The following KCND3 variants were observed in gnomAD, a reference collection of about 807,000 sequenced individuals.
KCND3 encodes the protein A-type voltage-gated potassium channel KCND3.
A neutral mutation model predicts 51.1 loss-of-function variants in KCND3; 9 were observed. The ratio of observed to expected loss-of-function variants is 0.18; its 90% confidence interval spans 0.11 to 0.31. KCND3 has a LOEUF of 0.31. Ranked by LOEUF, KCND3 falls within the 10% of genes least tolerant of loss-of-function variation. The pLI is 1.00. For missense variants in KCND3, 526 were observed against 903.8 expected, an observed-to-expected ratio of 0.58 and a Z score of 5.36; for synonymous variants, 349 against 368.0, an observed-to-expected ratio of 0.95 and a Z score of 0.59.
At position 111,771,890 on chromosome 1, in the gene KCND3, G is replaced by A. The variant is rs1056108415; in HGVS notation, c.*4187C>T. 6.6e-6 allele frequency: 1 copy of A among 152,030 alleles called. No homozygotes were observed. The highest frequency in any genetic ancestry group is 1.9e-4 in the East Asian group (1 of 5,192). The allele number at this position is 152,030 out of a possible 1,614,324, so 9.4% of individuals were successfully genotyped here. A position where few individuals can be genotyped will look rare whatever the true frequency, so the allele number is the denominator to read the frequency against. ...CTAGTTATGAAAATAGGAGATGAAG[G>A]AGAAATAGTACAGAGTTTGTTTCCA... On this transcript the variant is annotated 3_prime_UTR_variant, in exon 8 of 8. Transcript: ENST00000302127.
intron 2 of KCND3, among the ~76,000 whole-genome samples, chr1:111,977,357 C>T (rs1266199329): frequency 2.0e-5 from 3 of 152,208 alleles, no homozygotes; most frequent in East Asian, 1.9e-4. Flanking sequence ...CTCGCCTCTT[C>T]GAACCTCAGG....
At chr1:111,820,074 A>T (rs1666278475) in intron 2 of KCND3, among the ~76,000 whole-genome samples, 1 of 152,250 alleles carries the variant, frequency 6.6e-6, no homozygotes, top group Non-Finnish European at 1.5e-5. Context: ...TATGAATTAA[A>T]TGCCAACTCC....
At chr1:111,832,358 CT>C (rs1666872790) in intron 2 of KCND3, among the ~76,000 whole-genome samples, 1 of 152,156 alleles carries the variant, frequency 6.6e-6, no homozygotes, top group Non-Finnish European at 1.5e-5. Flanking sequence ...GGCAGTTCTT[CT>C]TTTGTTCTTT....
chr1:111,945,725 C>T (rs552773872), intron 2 of KCND3, among the ~76,000 whole-genome samples: 2 of 152,342 alleles, frequency 1.3e-5, no homozygotes, highest in East Asian at 1.9e-4. Flanking sequence ...TTCTGCCAAA[C>T]AAGAACCTTG....
chr1:111,776,789 A>C (rs1372636468), intron 7 of KCND3, among the ~76,000 whole-genome samples: 3 of 151,626 alleles, frequency 2.0e-5, no homozygotes, highest in African/African-American at 7.3e-5. Flanking sequence ...ATTATTTTTA[A>C]AGTTTTTTTT....
chr1:111,916,882 C>T (rs1671243018), intron 2 of KCND3, among the ~76,000 whole-genome samples: 1 of 152,194 alleles, frequency 6.6e-6, no homozygotes, highest in South Asian at 2.1e-4. Flanking sequence ...AGCCCTATAT[C>T]TATTAAATAA....
chr1:111,903,057 G>T (rs1472078269), intron 2 of KCND3, among the ~76,000 whole-genome samples: 1 of 152,192 alleles, frequency 6.6e-6, no homozygotes, highest in East Asian at 1.9e-4. Context: ...GGCCAGAAGG[G>T]ATTCTTTCAT....
chr1:111,893,095 G>C (rs148395109), intron 2 of KCND3, among the ~76,000 whole-genome samples: 2 of 152,350 alleles, frequency 1.3e-5, no homozygotes, highest in Non-Finnish European at 2.9e-5. Context: ...AGGACAGGAA[G>C]ATGGTGACAG....
intron 2 of KCND3, among the ~76,000 whole-genome samples, chr1:111,959,437 TG>T (rs1673516481): frequency 6.6e-6 from 1 of 152,172 alleles, no homozygotes; most frequent in South Asian, 2.1e-4. Context: ...TTACTTCCCT[TG>T]CCCCAGGAAG....
chr1:111,953,441 C>G (rs1029881221), intron 2 of KCND3, among the ~76,000 whole-genome samples: 1 of 152,194 alleles, frequency 6.6e-6, no homozygotes, highest in African/African-American at 2.4e-5. Context: ...CTCGCATGAT[C>G]TAAAGGGAAG....
intron 2 of KCND3, among the ~76,000 whole-genome samples, chr1:111,802,968 C>T (rs774047336): frequency 6.6e-6 from 1 of 152,228 alleles, no homozygotes; most frequent in Non-Finnish European, 1.5e-5. Context: ...AATGGAGCTG[C>T]GTGCTGTACA....
intron 2 of KCND3, among the ~76,000 whole-genome samples, chr1:111,923,468 G>A (rs1300702023): frequency 6.6e-6 from 1 of 152,194 alleles, no homozygotes. Context: ...ACAAGCTCAG[G>A]GAATCTATCC....
chr1:111,966,476 C>T (rs991475949), intron 2 of KCND3, among the ~76,000 whole-genome samples: 1 of 152,118 alleles, frequency 6.6e-6, no homozygotes, highest in Admixed American at 6.5e-5. Context: ...GCTCTGCTTA[C>T]CCCCATAACC....
At position 111,780,624 on chromosome 1, in the gene KCND3, C is replaced by T. The variant is rs140383736; in HGVS notation, c.1371+66G>A. The stretch of plus-strand genomic sequence containing the variant: ...GGCTCTGGTGAGAGTGCTGGTGTCC[C>T]GGGAAAGAGAAAACAAGCCCATCTA... On this transcript the variant is annotated intron_variant, in intron 4 of 7. Transcript: ENST00000302127. This position sits in a 1 kb window ranked among gnomAD's most constrained non-coding sequence, Gnocchi z 4.2. 114 of 1,364,216 alleles carry T rather than the reference C, an allele frequency of 8.4e-5. No individual in the cohort carries two copies. The East Asian group carries it at 1.9e-3, about 23-fold the overall frequency. The allele number at this position is 1,364,216 out of a possible 1,614,324, so 84.5% of individuals were successfully genotyped here. A position where few individuals can be genotyped will look rare whatever the true frequency, so the allele number is the denominator to read the frequency against.
At chr1:111,865,318 G>A (rs763445011) in intron 2 of KCND3, among the ~76,000 whole-genome samples, 1 of 152,220 alleles carries the variant, frequency 6.6e-6, no homozygotes, top group Non-Finnish European at 1.5e-5. Flanking sequence ...ACTACAGTAG[G>A]GGGTAGGTAC....
intron 2 of KCND3, among the ~76,000 whole-genome samples, chr1:111,945,861 G>C (rs6697636): frequency 0.68 from 103,055 of 152,102 alleles, 35,086 homozygotes; most frequent in Admixed American, 0.73. Flanking sequence ...CCTGCAGCCT[G>C]TCTCCATGCT....
intron 2 of KCND3, among the ~76,000 whole-genome samples, chr1:111,935,976 A>G (rs1672200213): frequency 6.6e-6 from 1 of 152,262 alleles, no homozygotes; most frequent in Non-Finnish European, 1.5e-5. Context: ...ACTGGTTTAT[A>G]AAAATAGCAA....
At chr1:111,974,269 T>C (rs1333282232) in intron 2 of KCND3, among the ~76,000 whole-genome samples, 1 of 152,120 alleles carries the variant, frequency 6.6e-6, no homozygotes, top group Non-Finnish European at 1.5e-5. Flanking sequence ...CCCAAAAGCA[T>C]TGTGGGAACT....
chr1:111,857,581 C>T (rs950312548), intron 2 of KCND3, among the ~76,000 whole-genome samples: 1 of 152,026 alleles, frequency 6.6e-6, no homozygotes, highest in Non-Finnish European at 1.5e-5. Flanking sequence ...AAATCTATGC[C>T]TCTGACAACC....
Sources: allele counts gnomAD v4.1 joint callset (sites outside exome capture counted in the v4.1 genomes callset), GRCh38; gene constraint gnomAD v4.1.1; non-coding constraint Gnocchi (gnomAD v3.1); transcripts MANE v1.5; gene names NCBI Gene and HGNC (gene_info 2026-07-23, HGNC 2026-07-21).